Variants in RAPGEF4 observed in about 807,000 individuals in gnomAD.
The protein encoded by RAPGEF4 is RAP guanine-nucleotide-exchange factor (GEF) 4.
RAPGEF4 carries 66 observed loss-of-function variants against 147.9 expected under a neutral mutation model. That is an observed-to-expected ratio of 0.45 (90% CI 0.37 to 0.55). The LOEUF (loss-of-function observed/expected upper bound fraction) is 0.55. Among genes scored for constraint, RAPGEF4 ranks in the 20% least tolerant of loss-of-function variants. The pLI is 0.00. For synonymous variants in RAPGEF4, 419 were observed against 442.7 expected (o/e 0.95, Z 0.67); for missense variants, 1,071 against 1,257.3 (o/e 0.85, Z 2.24).
At chr2:172,816,835 C>T (rs1440706842) in intron 4 of RAPGEF4, among the ~76,000 whole-genome samples, 1 of 152,172 alleles carries the variant, frequency 6.6e-6, no homozygotes, top group Non-Finnish European at 1.5e-5. Context: ...ACTGAAATCT[C>T]ATAGTGAGTA....
chr2:173,002,621 C>CTTTT (rs35905755), intron 17 of RAPGEF4, among the ~76,000 whole-genome samples: 1 of 138,944 alleles, frequency 7.2e-6, no homozygotes, highest in Non-Finnish European at 1.6e-5. Context: ...TTTATTCTTT[C>CTTTT]TTTTTTTTTT....
intron 17 of RAPGEF4, among the ~76,000 whole-genome samples, chr2:173,007,576 A>T (rs1337043068): frequency 6.6e-6 from 1 of 152,214 alleles, no homozygotes; most frequent in Non-Finnish European, 1.5e-5. Flanking sequence ...TTTCAGATAC[A>T]TGTTTTACCT....
intron 4 of RAPGEF4, among the ~76,000 whole-genome samples, chr2:172,873,051 A>G (rs1056725334): frequency 3.3e-5 from 5 of 152,198 alleles, no homozygotes; most frequent in African/African-American, 9.6e-5. Context: ...TAGGAGAGGG[A>G]ATCAGACTCC....
chr2:172,848,012 C>T (rs1692388547), intron 4 of RAPGEF4, among the ~76,000 whole-genome samples: 1 of 152,124 alleles, frequency 6.6e-6, no homozygotes. Flanking sequence ...CAGAAGGACT[C>T]TTAATCTCTG....
intron 3 of RAPGEF4, among the ~76,000 whole-genome samples, chr2:172,805,441 C>G (rs1046919835): frequency 1.3e-5 from 2 of 152,160 alleles, no homozygotes; most frequent in African/African-American, 4.8e-5. Context: ...TTTCACTACT[C>G]TATAAAATGA....
At chr2:172,951,813 G>A (rs1375689257) in intron 6 of RAPGEF4, among the ~76,000 whole-genome samples, 1 of 152,092 alleles carries the variant, frequency 6.6e-6, no homozygotes, top group African/African-American at 2.4e-5. Flanking sequence ...GCCATTGGAG[G>A]ATTTGGGGCA....
intron 6 of RAPGEF4, among the ~76,000 whole-genome samples, chr2:172,938,518 T>C (rs966194988): frequency 6.6e-6 from 1 of 152,218 alleles, no homozygotes; most frequent in East Asian, 1.9e-4. Flanking sequence ...GCAGTGTCCT[T>C]GCCTTCAGTC....
At chr2:172,826,381 T>C (rs1250881220) in intron 4 of RAPGEF4, among the ~76,000 whole-genome samples, 2 of 152,254 alleles carry the variant, frequency 1.3e-5, no homozygotes. Flanking sequence ...CAGTTTTTCA[T>C]TTTTAGGCCT....
At chr2:172,821,940 T>C (rs1032764166) in intron 4 of RAPGEF4, 3 of 1,613,446 alleles carry the variant, frequency 1.9e-6, no homozygotes, top group East Asian at 2.2e-5. Flanking sequence ...TCTGAGAACT[T>C]TGAGAGACCG....
intron 4 of RAPGEF4, among the ~76,000 whole-genome samples, chr2:172,855,994 A>G (rs140326495): frequency 8.6e-5 from 13 of 151,936 alleles, no homozygotes; most frequent in African/African-American, 2.9e-4. Context: ...TGAATTTTTA[A>G]GTTTATATCG....
chr2:173,013,711 A>C (rs1403735682), intron 17 of RAPGEF4, among the ~76,000 whole-genome samples: 1 of 152,196 alleles, frequency 6.6e-6, no homozygotes, highest in Non-Finnish European at 1.5e-5. Flanking sequence ...TTCTGGGTGA[A>C]AGTCAGTATC....
In RAPGEF4 at chr2:172,751,969, T is replaced by C. The variant is rs766068338; in HGVS notation, c.65+15921T>C. Among the ~76,000 whole-genome samples, 79 of 152,342 alleles carry C rather than the reference T, an allele frequency of 5.2e-4. 1 individual carries two copies. The highest frequency in any genetic ancestry group is 7.2e-4 in the Non-Finnish European group (49 of 68,022). On this transcript the variant is annotated intron_variant, in intron 1 of 30. Coordinates refer to ENST00000397081, the MANE Select transcript of RAPGEF4 (RefSeq NM_007023.4). ...TTTAAATGTTATTATGACTTAAAGA[T>C]GTGAAAAATATGTTTCACTTTAGTT...
At chr2:172,931,847 G>A (rs1468568291) in intron 6 of RAPGEF4, among the ~76,000 whole-genome samples, 2 of 152,118 alleles carry the variant, frequency 1.3e-5, no homozygotes, top group African/African-American at 4.8e-5. Context: ...GTGTACAGCT[G>A]CCTAGTAAAA....
chr2:172,877,763 T>C (rs1696135911), intron 4 of RAPGEF4, among the ~76,000 whole-genome samples: 1 of 152,208 alleles, frequency 6.6e-6, no homozygotes, highest in Admixed American at 6.5e-5. Context: ...TGAAGCTCTT[T>C]CTTCATTGCT....
intron 1 of RAPGEF4, among the ~76,000 whole-genome samples, chr2:172,790,745 A>G (rs533810164): frequency 5.9e-5 from 9 of 152,198 alleles, no homozygotes; most frequent in Non-Finnish European, 1.2e-4. Context: ...ATGTCTCAAC[A>G]TGTGCTTTGT....
intron 4 of RAPGEF4, among the ~76,000 whole-genome samples, chr2:172,833,961 A>T (rs1321018797): frequency 6.6e-6 from 1 of 152,096 alleles, no homozygotes; most frequent in African/African-American, 2.4e-5. Context: ...TGATGTTTTT[A>T]TCCTTTTTCT....
At chr2:172,934,132 A>G (rs894020334) in intron 6 of RAPGEF4, among the ~76,000 whole-genome samples, 3 of 141,912 alleles carry the variant, frequency 2.1e-5, no homozygotes, top group Non-Finnish European at 4.6e-5. Flanking sequence ...AAAAATAACT[A>G]TATTTTATTT....
intron 26 of RAPGEF4, among the ~76,000 whole-genome samples, chr2:173,032,121 A>T (rs1697246976): frequency 6.6e-6 from 1 of 152,190 alleles, no homozygotes; most frequent in Non-Finnish European, 1.5e-5. Context: ...GAAGCAAATG[A>T]GAATTACCTG....
intron 1 of RAPGEF4, among the ~76,000 whole-genome samples, chr2:172,753,442 A>T (rs1398341998): frequency 1.3e-5 from 2 of 149,232 alleles, no homozygotes; most frequent in South Asian, 2.1e-4. Flanking sequence ...TTATCTGCCT[A>T]TAAAGAGTTT....
Sources: allele counts gnomAD v4.1 joint callset (sites outside exome capture counted in the v4.1 genomes callset), GRCh38; gene constraint gnomAD v4.1.1; transcripts MANE v1.5; gene names NCBI Gene and HGNC (gene_info 2026-07-23, HGNC 2026-07-21).